Variants in XKR9 observed in about 807,000 individuals in gnomAD.
XKR9 encodes the protein XK-related protein 9.
XKR9 carries 32 observed loss-of-function variants against 32.0 expected under a neutral mutation model. The ratio of observed to expected loss-of-function variants is 1.00; its 90% CI spans 0.76 to 1.34. The LOEUF is 1.34. Ranked by LOEUF, XKR9 falls within the 40% of genes most tolerant of loss-of-function variation. The pLI, the probability that XKR9 is intolerant of heterozygous loss-of-function variation, is 0.00. For missense variants in XKR9, 546 were observed against 429.7 expected (o/e 1.27, Z -2.39); for synonymous variants, 168 against 143.4 (o/e 1.17, Z -1.22).
the XKR9 span, among the ~76,000 whole-genome samples, chr8:70,888,975 A>C: frequency 1.3e-5 from 2 of 151,886 alleles, no homozygotes; most frequent in Non-Finnish European, 2.9e-5. Context: ...AATTTTTTCA[A>C]TTTCTACGAA....
chr8:70,738,145 G>A (rs1229725178), downstream of XKR9, among the ~76,000 whole-genome samples: 1 of 132,026 alleles, frequency 7.6e-6, no homozygotes, highest in African/African-American at 2.6e-5. Flanking sequence ...CACAATTTCA[G>A]ATCCTGTTAT....
chr8:70,851,477 C>G, the XKR9 span, among the ~76,000 whole-genome samples: 2 of 152,164 alleles, frequency 1.3e-5, no homozygotes, highest in Non-Finnish European at 2.9e-5. Context: ...ATAGCCAAGA[C>G]AATCCTAAAC....
chr8:70,818,367 C>T, the XKR9 span, among the ~76,000 whole-genome samples: 3 of 152,088 alleles, frequency 2.0e-5, no homozygotes. Flanking sequence ...TCCTGCAGCA[C>T]TTATCTTAGC....
At chr8:70,923,865 T>A in the XKR9 span, among the ~76,000 whole-genome samples, 1 of 152,162 alleles carries the variant, frequency 6.6e-6, no homozygotes, top group East Asian at 1.9e-4. Flanking sequence ...GAATTCTATG[T>A]TCTATATTCT....
chr8:70,798,146 G>T, the XKR9 span, among the ~76,000 whole-genome samples: 1 of 152,104 alleles, frequency 6.6e-6, no homozygotes, highest in Non-Finnish European at 1.5e-5. Context: ...TTCCACAATG[G>T]CTGAACTGTT....
chr8:70,675,088 C>T (rs777229426), intron 2 of XKR9, among the ~76,000 whole-genome samples, 189 bp downstream of exon 2: 28 of 152,118 alleles, frequency 1.8e-4, no homozygotes, highest in Non-Finnish European at 3.7e-4. Context: ...TTGTGTTAAG[C>T]CATTCTTGCA....
the XKR9 span, among the ~76,000 whole-genome samples, chr8:71,039,993 T>A: frequency 6.6e-6 from 1 of 152,160 alleles, no homozygotes; most frequent in Non-Finnish European, 1.5e-5. Context: ...AATTGTCTGG[T>A]GATTTTCTCT....
the XKR9 span, among the ~76,000 whole-genome samples, chr8:70,876,783 C>T: frequency 1.3e-5 from 2 of 152,132 alleles, no homozygotes; most frequent in South Asian, 4.2e-4. Flanking sequence ...TGGGTTCTTT[C>T]TCATTAGATT....
At chr8:70,904,420 C>T in the XKR9 span, among the ~76,000 whole-genome samples, 2 of 151,768 alleles carry the variant, frequency 1.3e-5, no homozygotes, top group Admixed American at 1.3e-4. Flanking sequence ...TCTCTTTTGT[C>T]AGAGACTGGG....
chr8:70,815,498 T>G, the XKR9 span, among the ~76,000 whole-genome samples: 4 of 150,820 alleles, frequency 2.7e-5, no homozygotes, highest in African/African-American at 9.8e-5. Flanking sequence ...TTACACGATC[T>G]CATTCCTTTA....
At chr8:71,020,385 C>G in the XKR9 span, among the ~76,000 whole-genome samples, 1 of 152,138 alleles carries the variant, frequency 6.6e-6, no homozygotes, top group African/African-American at 2.4e-5. Flanking sequence ...AGCCGTGGTT[C>G]AAAAGAAGGA....
chr8:70,894,549 G>T, the XKR9 span, among the ~76,000 whole-genome samples: 2 of 152,158 alleles, frequency 1.3e-5, no homozygotes, highest in Non-Finnish European at 2.9e-5. Context: ...GCAGTGTGTT[G>T]CTTCTGCTCA....
At chr8:70,771,746 G>A (rs569942065) in intron 2 of XKR9, among the ~76,000 whole-genome samples, 2 of 152,240 alleles carry the variant, frequency 1.3e-5, no homozygotes, top group Non-Finnish European at 2.9e-5. Flanking sequence ...GTCCACTAAT[G>A]ATATCTTGTA....
intron 2 of XKR9, among the ~76,000 whole-genome samples, chr8:70,759,977 T>A (rs866107593): frequency 6.6e-6 from 1 of 152,224 alleles, no homozygotes; most frequent in Non-Finnish European, 1.5e-5. Flanking sequence ...TTTGAAGGAT[T>A]TAGTGTTCTA....
the XKR9 span, among the ~76,000 whole-genome samples, chr8:70,907,710 T>C: frequency 6.6e-6 from 1 of 152,256 alleles, no homozygotes; most frequent in South Asian, 2.1e-4. Context: ...AGTTTTTCTT[T>C]TGCTTAAACA....
At chr8:70,942,271 G>A in the XKR9 span, among the ~76,000 whole-genome samples, 1 of 152,140 alleles carries the variant, frequency 6.6e-6, no homozygotes, top group South Asian at 2.1e-4. Flanking sequence ...TCACCCTGCA[G>A]CTAGTTAAAA....
chr8:70,974,498 T>G, the XKR9 span, among the ~76,000 whole-genome samples: 1 of 152,168 alleles, frequency 6.6e-6, no homozygotes. Flanking sequence ...CAGTGTTTGG[T>G]TTTCTGGCCT....
the XKR9 span, among the ~76,000 whole-genome samples, chr8:70,955,942 A>AG: frequency 6.6e-6 from 1 of 152,168 alleles, no homozygotes; most frequent in African/African-American, 2.4e-5. Flanking sequence ...TGTCTGGATG[A>AG]GGGGGACGTG....
the XKR9 span, among the ~76,000 whole-genome samples, chr8:70,818,200 T>A: frequency 7.4e-4 from 113 of 152,110 alleles, no homozygotes; most frequent in East Asian, 1.7e-3. Context: ...TTATTTATTT[T>A]TTTTTTTGGT....
Sources: allele counts gnomAD v4.1 joint callset (sites outside exome capture counted in the v4.1 genomes callset), GRCh38; gene constraint gnomAD v4.1.1; transcripts MANE v1.5; gene names NCBI Gene and HGNC (gene_info 2026-07-23, HGNC 2026-07-21).